CSMD1: variants seen among roughly 807,000 people sequenced by gnomAD.
CSMD1 encodes CUB and sushi domain-containing protein 1.
A neutral mutation model predicts 417.5 loss-of-function variants in CSMD1; 213 were observed. That is an observed-to-expected ratio of 0.51 (90% CI 0.46 to 0.57). The LOEUF is 0.57. Ranked by LOEUF, CSMD1 falls within the 20% of genes least tolerant of loss-of-function variation. The pLI is 0.00. For missense variants in CSMD1, 6,923 were observed against 4,529.7 expected (o/e 1.53, Z -15.17); for synonymous variants, 2,862 against 1,736.8 (o/e 1.65, Z -16.11).
At chr8:4,018,774 T>A (rs1246736316) in intron 4 of CSMD1, among the ~76,000 whole-genome samples, 1 of 152,210 alleles carries the variant, frequency 6.6e-6, no homozygotes, top group Non-Finnish European at 1.5e-5. Flanking sequence ...ACAGACTCTG[T>A]AGCCAAAGTG....
intron 10 of CSMD1, among the ~76,000 whole-genome samples, chr8:3,541,513 T>C (rs1331183652): frequency 6.6e-6 from 1 of 151,668 alleles, no homozygotes; most frequent in African/African-American, 2.4e-5. Context: ...CTCCTGCACA[T>C]CTATTCTGGA....
At chr8:3,971,789 G>T (rs946141212) in intron 5 of CSMD1, among the ~76,000 whole-genome samples, 10 of 152,184 alleles carry the variant, frequency 6.6e-5, no homozygotes, top group Non-Finnish European at 5.9e-5. Context: ...GTAGAGAACA[G>T]AATTAAATAT....
Position 4,550,070 on chromosome 8 carries a change from C to G in CSMD1, c.302+87272G>C, listed in dbSNP as rs115282464. On this transcript the variant is annotated intron_variant, in intron 2 of 69. Coordinates refer to ENST00000635120, the MANE Select transcript of CSMD1 (RefSeq NM_033225.6). ...TTTTGTCATCCTCAGAATTGGAACA[C>G]CCCCATGTTTGGATAGGCGTGGGTT... Among the ~76,000 whole-genome samples, 612 of 151,932 alleles carry G rather than the reference C, an allele frequency of 4.0e-3. 7 individuals are homozygous for G. The highest frequency in any genetic ancestry group is 0.014 in the African/African-American group (566 of 41,410).
At position 3,863,756 on chromosome 8, in the gene CSMD1, C is replaced by G. The variant is rs185030496; in HGVS notation, c.819-109714G>C. 3.0e-3 allele frequency among the ~76,000 whole-genome samples: 453 copies of G among 152,044 alleles called. 4 individuals carry two copies. The highest frequency in any genetic ancestry group is 0.011 in the African/African-American group (438 of 41,484). On this transcript the variant is annotated intron_variant, in intron 5 of 69. Coordinates refer to ENST00000635120, the MANE Select transcript of CSMD1 (RefSeq NM_033225.6). ...GTTTTCATTTCAAATGTTAAACTAC[C>G]CAGAAGAGAATTTTCTACTAGTTTT...
intron 7 of CSMD1, among the ~76,000 whole-genome samples, chr8:3,683,812 C>G (rs73183357): frequency 0.15 from 22,187 of 151,988 alleles, 1,819 homozygotes; most frequent in South Asian, 0.21. Flanking sequence ...CTTGATAAAA[C>G]CAATGTTTGC....
At chr8:4,794,681 T>A (rs900459059) in intron 1 of CSMD1, among the ~76,000 whole-genome samples, 8 of 152,216 alleles carry the variant, frequency 5.3e-5, no homozygotes, top group African/African-American at 1.9e-4. Flanking sequence ...TGACTGCTAT[T>A]GGCCCATCTC....
intron 11 of CSMD1, among the ~76,000 whole-genome samples, chr8:3,493,411 A>G (rs1464085605): frequency 1.3e-5 from 2 of 152,202 alleles, no homozygotes; most frequent in African/African-American, 4.8e-5. Flanking sequence ...TAATAATTGA[A>G]GAAAAACAGT....
intron 1 of CSMD1, among the ~76,000 whole-genome samples, chr8:4,717,016 C>T (rs1402059681): frequency 6.6e-6 from 1 of 151,966 alleles, no homozygotes; most frequent in Non-Finnish European, 1.5e-5. Context: ...TTGATGAGGA[C>T]ACATTTTCTC....
At chr8:4,094,775 C>A (rs565308086) in intron 3 of CSMD1, among the ~76,000 whole-genome samples, 2 of 152,160 alleles carry the variant, frequency 1.3e-5, no homozygotes, top group African/African-American at 4.8e-5. Flanking sequence ...TGAGCTAACA[C>A]TGCGCATGGA....
At chr8:4,030,326 G>T (rs28871924) in intron 4 of CSMD1, among the ~76,000 whole-genome samples, 22,207 of 152,176 alleles carry the variant, frequency 0.15, 2,284 homozygotes, top group East Asian at 0.36. Context: ...TGGACATCTA[G>T]GAATTTCTAT....
chr8:3,682,597 C>G (rs960320337), intron 7 of CSMD1, among the ~76,000 whole-genome samples: 2 of 152,148 alleles, frequency 1.3e-5, no homozygotes, highest in South Asian at 2.1e-4. Context: ...GTTGGTGGGA[C>G]TGTAAACTAG....
intron 2 of CSMD1, among the ~76,000 whole-genome samples, chr8:4,632,949 C>A (rs1284794466): frequency 4.6e-5 from 7 of 152,118 alleles, no homozygotes; most frequent in African/African-American, 1.4e-4. Flanking sequence ...TTTCAGGGGA[C>A]AAACGGGAGG....
intron 3 of CSMD1, among the ~76,000 whole-genome samples, chr8:4,061,353 A>G (rs111381878): frequency 6.6e-5 from 10 of 152,370 alleles, no homozygotes; most frequent in African/African-American, 2.4e-4. Context: ...AAAGAAAAGT[A>G]GAAGTAAAAA....
At position 3,364,025 on chromosome 8, in the gene CSMD1, G is replaced by A. The variant is rs1037295914; in HGVS notation, c.3115+3007C>T. On this transcript the variant is annotated intron_variant, in intron 20 of 69. Coordinates refer to ENST00000635120, the MANE Select transcript of CSMD1 (RefSeq NM_033225.6). ...GCTTTAATAAGGCCTTCTGAGAAAG[G>A]CAGAAATAAACTCGATTAACAGGAA... Among the ~76,000 whole-genome samples, 49 of 152,128 alleles carry A rather than the reference G, an allele frequency of 3.2e-4. 1 individual carries two copies. Among genetic ancestry groups the A allele is most frequent in the Non-Finnish European group, 8.8e-5 (6 of 68,036 alleles).
At chr8:3,234,192 C>A (rs949525339) in intron 26 of CSMD1, among the ~76,000 whole-genome samples, 3 of 152,212 alleles carry the variant, frequency 2.0e-5, no homozygotes, top group African/African-American at 7.2e-5. Context: ...CCTAGCTTCA[C>A]AATCTCTCTC....
intron 49 of CSMD1, among the ~76,000 whole-genome samples, chr8:3,059,147 C>G (rs972340011): frequency 4.6e-5 from 7 of 150,668 alleles, no homozygotes; most frequent in Non-Finnish European, 5.9e-5. Flanking sequence ...CCCATCCCAT[C>G]AAAGCGTATT....
At chr8:3,618,786 T>C (rs1238161977) in intron 7 of CSMD1, among the ~76,000 whole-genome samples, 2 of 152,216 alleles carry the variant, frequency 1.3e-5, no homozygotes, top group African/African-American at 4.8e-5. Context: ...TATTTCATGA[T>C]GTCTTACTCT....
At chr8:3,544,219 A>C (rs1052146014) in intron 10 of CSMD1, among the ~76,000 whole-genome samples, 14 of 152,278 alleles carry the variant, frequency 9.2e-5, no homozygotes, top group Middle Eastern at 3.4e-3. Flanking sequence ...AACGTTTACT[A>C]AACAGACCCA....
At chr8:3,846,258 A>G (rs892382324) in intron 5 of CSMD1, among the ~76,000 whole-genome samples, 3 of 152,162 alleles carry the variant, frequency 2.0e-5, no homozygotes, top group African/African-American at 7.2e-5. Flanking sequence ...GCACCACGCT[A>G]TGGCATTATG....
Sources: allele counts gnomAD v4.1 joint callset (sites outside exome capture counted in the v4.1 genomes callset), GRCh38; gene constraint gnomAD v4.1.1; transcripts MANE v1.5; gene names NCBI Gene and HGNC (gene_info 2026-07-23, HGNC 2026-07-21).